The following SNAP47 variants were observed in gnomAD, a reference collection of about 807,000 sequenced individuals.
SNAP47 encodes the protein synaptosomal-associated protein 47.
A neutral mutation model predicts 31.4 loss-of-function variants in SNAP47; 20 were observed. The ratio of observed to expected loss-of-function variants is 0.64; its 90% confidence interval spans 0.45 to 0.93. The LOEUF (loss-of-function observed/expected upper bound fraction) is 0.93. Ranked by LOEUF, SNAP47 falls within the 40% of genes least tolerant of loss-of-function variation. SNAP47 has a pLI of 0.00. For missense variants in SNAP47, 492 were observed against 528.5 expected (o/e 0.93, Z 0.68); for synonymous variants, 194 against 213.4 (o/e 0.91, Z 0.79).
chr1:227,732,267 G>A (rs1660698412), upstream of SNAP47: 1 of 1,151,000 alleles, frequency 8.7e-7, no homozygotes. Flanking sequence ...GCCATGAACA[G>A]CCAGGCCACA....
At chr1:227,758,304 C>T (rs1662817085) in intron 2 of SNAP47, among the ~76,000 whole-genome samples, 1 of 152,224 alleles carries the variant, frequency 6.6e-6, no homozygotes, top group Non-Finnish European at 1.5e-5. Flanking sequence ...AGCCCTTCCT[C>T]CCAGTCTAGG....
At chr1:227,779,787 G>A (rs1351120200) in intron 4 of SNAP47, among the ~76,000 whole-genome samples, 2 of 152,118 alleles carry the variant, frequency 1.3e-5, no homozygotes, top group East Asian at 3.9e-4. Context: ...TCAGCCCTTA[G>A]CTCATCGCCC....
chr1:227,776,305 G>C, intron 4 of SNAP47: 11 of 990,588 alleles, frequency 1.1e-5, no homozygotes, highest in Non-Finnish European at 1.3e-5. Context: ...AGCACTCCTT[G>C]CTCTATTTCT....
Position 227,741,118 on chromosome 1 carries a change from G to A in SNAP47, c.-46+5619G>A, listed in dbSNP as rs1661569972. ...GATGGAAGGAATGTGAAGTTCAAGT[G>A]CCTGTTAGGGGTGGGGGCAGATCAG... On this transcript the variant is annotated intron_variant, in intron 1 of 4. Coordinates refer to ENST00000617596, the MANE Select transcript of SNAP47 (RefSeq NM_053052.4). This position sits in a 1 kb window ranked among gnomAD's most constrained non-coding sequence, Gnocchi z 4.2. 6.6e-6 allele frequency among the ~76,000 whole-genome samples: 1 copy of A among 152,152 alleles called. No homozygotes were observed. The highest frequency in any genetic ancestry group is 2.1e-4 in the South Asian group (1 of 4,828).
upstream of SNAP47, chr1:227,732,759 A>G: frequency 1.3e-6 from 2 of 1,589,492 alleles, no homozygotes; most frequent in Admixed American, 3.4e-5. Flanking sequence ...CCAGTCCCCA[A>G]GGACGAAGAA....
At chr1:227,774,894 A>C (rs1024662762) in intron 4 of SNAP47, among the ~76,000 whole-genome samples, 13 of 152,254 alleles carry the variant, frequency 8.5e-5, no homozygotes, top group Non-Finnish European at 1.2e-4. Context: ...GTCTAGGAGC[A>C]GGGAGCGCTC....
In SNAP47 at chr1:227,775,815, C is replaced by T. The variant is rs111535441; in HGVS notation, c.1114-4712C>T. On this transcript the variant is annotated intron_variant, in intron 4 of 4. Coordinates refer to ENST00000617596, the MANE Select transcript of SNAP47 (RefSeq NM_053052.4). ...GCTTCCGGCCTATGTCGCTGTCAACCCAGACAGTGTTGGTGATGCTTTGCT... is the reference window on the plus strand; with the variant it reads ...GCTTCCGGCCTATGTCGCTGTCAACTCAGACAGTGTTGGTGATGCTTTGCT... 1.8e-3 allele frequency: 2,338 copies of T among 1,304,178 alleles called. 7 individuals carry two copies. Among genetic ancestry groups the T allele is most frequent in the Non-Finnish European group, 2.2e-3 (2,135 of 988,936 alleles). The allele number at this position is 1,304,178 out of a possible 1,614,324, so 80.8% of individuals were successfully genotyped here.
rs571081315 is a variant in SNAP47 at position 227,758,410 on chromosome 1, G to C, written c.498-585G>C. Among the ~76,000 whole-genome samples, 3 of 152,348 alleles carry C rather than the reference G, an allele frequency of 2.0e-5. No homozygotes were observed. In the South Asian group the frequency reaches 6.2e-4, roughly 32 times the overall value. On this transcript the variant is annotated intron_variant, in intron 2 of 4. Coordinates refer to ENST00000617596, the MANE Select transcript of SNAP47 (RefSeq NM_053052.4). ...ACTCCAATCCCAGCAGAGGCTGAAA[G>C]ACAGGGTGCAGAGTGTACTCTGAGG...
upstream of SNAP47, chr1:227,732,286 C>A (rs1439913217): frequency 3.0e-6 from 4 of 1,351,296 alleles, no homozygotes; most frequent in South Asian, 5.2e-5. Context: ...CAAGCCTCGA[C>A]AGGGGTGGGC....
chr1:227,751,752 T>G (rs1055109906), intron 2 of SNAP47, among the ~76,000 whole-genome samples: 5 of 48,506 alleles, frequency 1.0e-4, no homozygotes, highest in South Asian at 8.8e-4. Flanking sequence ...TGGTTTTTTT[T>G]TTTTTTTTTT....
intron 1 of SNAP47, among the ~76,000 whole-genome samples, chr1:227,738,419 T>C (rs2102887639): frequency 6.6e-6 from 1 of 152,254 alleles, no homozygotes; most frequent in South Asian, 2.1e-4. Context: ...CATTCATTCA[T>C]TCTCTCTCTC....
chr1:227,734,068 G>A (rs1283750976), upstream of SNAP47: 22 of 1,602,154 alleles, frequency 1.4e-5, no homozygotes, highest in Middle Eastern at 3.4e-4. Context: ...CCGACAGCAC[G>A]TGAGGCACGA....
upstream of SNAP47, chr1:227,733,889 C>T: frequency 5.0e-6 from 8 of 1,612,640 alleles, no homozygotes; most frequent in Non-Finnish European, 5.9e-6. Context: ...GGTTCCACTC[C>T]CACATCCGTG....
At chr1:227,765,000 G>A (rs1000252452) in intron 3 of SNAP47, among the ~76,000 whole-genome samples, 1 of 152,226 alleles carries the variant, frequency 6.6e-6, no homozygotes, top group African/African-American at 2.4e-5. Context: ...ACTCGAGCCA[G>A]GAGTTTGAGA....
At chr1:227,777,286 C>G (rs1013820284) in intron 4 of SNAP47, 1 of 238,864 alleles carries the variant, frequency 4.2e-6, no homozygotes, top group Non-Finnish European at 6.8e-6. Context: ...ATCTTGGGCA[C>G]GCACCACTCA....
At chr1:227,766,527 G>A (rs1443646621) in intron 3 of SNAP47, among the ~76,000 whole-genome samples, 4 of 152,118 alleles carry the variant, frequency 2.6e-5, no homozygotes, top group Non-Finnish European at 5.9e-5. Context: ...GCAGACGTGT[G>A]GCAGTGCTTG....
upstream of SNAP47, chr1:227,732,498 A>G (rs760755940): frequency 6.2e-7 from 1 of 1,613,210 alleles, no homozygotes; most frequent in Non-Finnish European, 8.5e-7. Flanking sequence ...GGGGTGCGCA[A>G]CCAAGGAGGC....
intron 1 of SNAP47, among the ~76,000 whole-genome samples, chr1:227,729,317 C>T (rs921862151): frequency 1.3e-5 from 2 of 152,134 alleles, no homozygotes; most frequent in African/African-American, 4.8e-5. Flanking sequence ...GGACACTGGA[C>T]ATCTTGGTCC....
At chr1:227,771,070 G>A (rs1171306323) in intron 4 of SNAP47, among the ~76,000 whole-genome samples, 1 of 152,210 alleles carries the variant, frequency 6.6e-6, no homozygotes, top group African/African-American at 2.4e-5. Flanking sequence ...CACCCTCCGA[G>A]GCTAGCCAGG....
Sources: gnomAD v4.1 joint callset for allele counts (sites outside exome capture counted in the v4.1 genomes callset) on GRCh38, gnomAD v4.1.1 for gene constraint, Gnocchi (gnomAD v3.1) non-coding constraint, MANE v1.5 for transcripts, NCBI Gene and HGNC (gene_info 2026-07-23, HGNC 2026-07-21) for gene names.